Variants in SF3A2 observed in about 807,000 individuals in gnomAD.
The protein encoded by SF3A2 is splicing factor 3a subunit 2.
Under a neutral mutation model 31.1 loss-of-function variants are expected in SF3A2, and 5 were observed. The observed-to-expected ratio is 0.16, with a 90% CI of 0.08 to 0.34. SF3A2 has a LOEUF of 0.34. Ranked by LOEUF, SF3A2 falls within the 10% of genes least tolerant of loss-of-function variation. SF3A2 has a pLI of 1.00. For synonymous variants in SF3A2, 365 were observed against 263.7 expected, an observed-to-expected ratio of 1.38 and a Z score of -3.72; for missense variants, 577 against 643.9, an observed-to-expected ratio of 0.90 and a Z score of 1.13.
Position 2,248,254 on chromosome 19 carries a change from C to T in SF3A2, c.1103C>T (p.Pro368Leu), listed in dbSNP as rs1230077312. ...CCAGCCCCAGGGGTCCATCCTCCCC[C>T]ATCAGCGGGGGTTCACCCCCAGGCC... ...HPPAPGVHPP[P>L]SAGVHPQAPG... The change falls in exon 9 of 9, where the codon CCA becomes CTA. Residue 368 changes from proline to leucine, a missense_variant. Physicochemically the swap from Pro to Leu is moderately conservative, Grantham distance 98. Around this residue, in one of 6 missense-constraint regions of SF3A2, gnomAD observed 462 missense variants for 339.1 expected, o/e 1.36. Coordinates refer to ENST00000221494, the MANE Select transcript of SF3A2 (RefSeq NM_007165.5). 1.4e-6 allele frequency: 2 copies of T among 1,420,494 alleles called. No homozygotes were observed. The highest frequency in any genetic ancestry group is 9.2e-7 in the Non-Finnish European group (1 of 1,085,322). 88.0% of individuals were successfully genotyped at this position (1,420,494 alleles called of 1,614,324 possible).
At position 2,246,368 on chromosome 19, in the gene SF3A2, C is replaced by T. The variant is rs949853486; in HGVS notation, c.356-385C>T. 3.2e-4 allele frequency among the ~76,000 whole-genome samples: 49 copies of T among 152,256 alleles called. No homozygotes were observed. Among genetic ancestry groups the T allele is most frequent in the African/African-American group, 1.1e-3 (46 of 41,548 alleles). On this transcript the variant is annotated intron_variant, in intron 5 of 8. Transcript: ENST00000221494. The surrounding 1 kb of genome is among the most constrained non-coding windows in gnomAD (Gnocchi z 5.5). Reference sequence around the variant, plus strand: ...CGGGAAGGGCATCCTCTCTCGCTCACCGTATACATGGTGTCAGCCCTGTTC... The same window carrying T: ...CGGGAAGGGCATCCTCTCTCGCTCATCGTATACATGGTGTCAGCCCTGTTC...
intron 4 of SF3A2, 27 bp downstream of exon 4, chr19:2,244,806 C>T: frequency 6.2e-7 from 1 of 1,607,530 alleles, no homozygotes; most frequent in South Asian, 1.1e-5. Context: ...CCTTTGATGC[C>T]TGGTGCTCCA....
intron 1 of SF3A2, among the ~76,000 whole-genome samples, chr19:2,238,317 C>T (rs1029109752): frequency 3.3e-5 from 5 of 152,194 alleles, no homozygotes; most frequent in African/African-American, 9.7e-5. Flanking sequence ...CCACTGCACC[C>T]GGCTAATTTT....
At position 2,248,387 on chromosome 19, in the gene SF3A2, C is replaced by CGGGGTCCATCCGTCGGCTCCT. The variant is rs1326209753; in HGVS notation, c.1245_1265dup (p.Ser417_Pro423dup). 2.9e-6 allele frequency: 4 copies of CGGGGTCCATCCGTCGGCTCCT among 1,377,164 alleles called. No individual in the cohort carries two copies. In the South Asian group the frequency reaches 7.1e-5, roughly 24 times the overall value. The allele number at this position is 1,377,164 out of a possible 1,614,324, so 85.3% of individuals were successfully genotyped here. ...CCCCGGGGGTCCACCCCCAACCTCC[C>CGGGGTCCATCCGTCGGCTCCT]GGGGTCCATCCGTCGGCTCCTGGGG... On this transcript the variant is annotated inframe_insertion, in exon 9 of 9. Transcript: ENST00000221494.
Position 2,247,931 on chromosome 19 carries a change from T to A in SF3A2, c.780T>A (p.Pro260=). 1 of 1,528,426 alleles carries A rather than the reference T, an allele frequency of 6.5e-7. No homozygotes were observed. The highest frequency in any genetic ancestry group is 8.9e-7 in the Non-Finnish European group (1 of 1,126,642). The allele number at this position is 1,528,426 out of a possible 1,614,324, so 94.7% of individuals were successfully genotyped here. A position where few individuals can be genotyped will look rare whatever the true frequency, so the allele number is the denominator to read the frequency against. The change falls in exon 9 of 9, where the codon CCT becomes CCA. Residue 260 remains proline (P), a synonymous_variant. Coordinates refer to ENST00000221494, the MANE Select transcript of SF3A2 (RefSeq NM_007165.5). The stretch of plus-strand genomic sequence containing the variant: ...CACCGCCCCCGCCAGGAGGCCTGCC[T>A]CTGCCACCCATGCCCCCCACAGGGC... ...SLPPPPPGGL[P]LPPMPPTGPA... is the part of the protein sequence containing the mutation.
In SF3A2 at chr19:2,245,451, G is replaced by A. The variant is rs904541556; in HGVS notation, c.251G>A (p.Arg84Gln). ...QGKKHQTNLA[R>Q]RAAKEAKEAP... is the part of the protein sequence containing the mutation. ...CACCTCCATCCTGTCCGCAGGGCCC[G>A]GCGAGCAGCCAAGGAGGCCAAGGAG... Residue 84 changes from arginine to glutamine, a missense_variant, in exon 5 of 9, where the codon CGG becomes CAG. Physicochemically the swap from Arg to Gln is conservative, Grantham distance 43. Around this residue, in one of 6 missense-constraint regions of SF3A2, gnomAD observed 17 missense variants for 113.8 expected, o/e 0.15. Coordinates refer to ENST00000221494, the MANE Select transcript of SF3A2 (RefSeq NM_007165.5). This position sits in a 1 kb window ranked among gnomAD's most constrained non-coding sequence, Gnocchi z 4.2. The A allele has an allele frequency of 6.5e-7, 1 of 1,549,874 alleles. No homozygotes were observed. Among genetic ancestry groups the A allele is most frequent in the African/African-American group, 1.4e-5 (1 of 73,012 alleles).
Position 2,243,399 on chromosome 19 carries a change from A to G in SF3A2, c.-20A>G, listed in dbSNP as rs2024907029. 4.0e-6 allele frequency: 6 copies of G among 1,517,006 alleles called. No individual in the cohort carries two copies. The highest frequency in any genetic ancestry group is 1.5e-5 in the African/African-American group (1 of 68,766). 94.0% of individuals were successfully genotyped at this position (1,517,006 alleles called of 1,614,324 possible). On this transcript the variant is annotated 5_prime_UTR_variant, in exon 2 of 9. Coordinates refer to ENST00000221494, the MANE Select transcript of SF3A2 (RefSeq NM_007165.5). ...CTCCACAGGTGTCTCCCAGTCTGCT[A>G]AAGCCCTAAGGCCATCACCATGGAC...
rs1209165238 is a variant in SF3A2 at position 2,248,163 on chromosome 19, C to T, written c.1012C>T (p.Pro338Ser). Residue 338 changes from proline (P) to serine (S), a missense_variant, in exon 9 of 9, where the codon CCT becomes TCT. By Grantham distance (74) the Pro-to-Ser change is moderately conservative (BLOSUM62 -1). Around this residue, in one of 6 missense-constraint regions of SF3A2, gnomAD observed 462 missense variants for 339.1 expected, o/e 1.36. Transcript: ENST00000221494. ...GVHPPAPGVH[P>S]PAPGVHPPAP... ...CCACCCCCCAGCTCCTGGAGTCCAC[C>T]CTCCAGCCCCCGGGGTTCACCCACC... is the stretch of plus-strand genomic sequence containing the variant. 1.4e-6 allele frequency: 2 copies of T among 1,478,254 alleles called. No individual in the cohort carries two copies. The highest frequency in any genetic ancestry group is 2.8e-5 in the African/African-American group (2 of 70,952). 91.6% of individuals were successfully genotyped at this position (1,478,254 alleles called of 1,614,324 possible).
At position 2,246,475 on chromosome 19, in the gene SF3A2, C is replaced by T. The variant is rs1349949278; in HGVS notation, c.356-278C>T. ...GGCCCCAACTCCTGCTGGGTGGTAT[C>T]CCAGCACCCCTGGTGAAGGGCTCTG... On this transcript the variant is annotated intron_variant, in intron 5 of 8. Transcript: ENST00000221494. This position sits in a 1 kb window ranked among gnomAD's most constrained non-coding sequence, Gnocchi z 5.5. Among the ~76,000 whole-genome samples, 1 of 152,084 alleles carries T rather than the reference C, an allele frequency of 6.6e-6. No individual in the cohort carries two copies. The highest frequency in any genetic ancestry group is 2.4e-5 in the African/African-American group (1 of 41,434).
At chr19:2,243,328 G>A in intron 1 of SF3A2, 54 bp from the exon 2 acceptor site, 1 of 1,404,574 alleles carries the variant, frequency 7.1e-7, no homozygotes, top group Non-Finnish European at 9.4e-7. Context: ...GGAGGTCCCA[G>A]CAGCAGCCCC....
Position 2,248,245 on chromosome 19 carries a change from ATCCTCC to A in SF3A2, c.1095_1100del (p.Pro367_Pro368del). ...GTTCACCCACCAGCCCCAGGGGTCC[ATCCTCC>A]CCCATCAGCGGGGGTTCACCCCCAG... On this transcript the variant is annotated inframe_deletion, in exon 9 of 9. Coordinates refer to ENST00000221494, the MANE Select transcript of SF3A2 (RefSeq NM_007165.5). The A allele has an allele frequency of 7.9e-7, 1 of 1,273,648 alleles. No homozygotes were observed. The highest frequency in any genetic ancestry group is 1.0e-6 in the Non-Finnish European group (1 of 1,002,736). 78.9% of individuals were successfully genotyped at this position (1,273,648 alleles called of 1,614,324 possible).
rs1479340518 is a variant in SF3A2, at chr19:2,248,079, C to T, written c.928C>T (p.Pro310Ser). 1 of 936,176 alleles carries T rather than the reference C, an allele frequency of 1.1e-6. No homozygotes were observed. The highest frequency in any genetic ancestry group is 1.7e-6 in the Non-Finnish European group (1 of 602,784). 58.0% of individuals were successfully genotyped at this position (936,176 alleles called of 1,614,324 possible). The change falls in exon 9 of 9, where the codon CCC becomes TCC. Residue 310 changes from proline to serine, a missense_variant. Coordinates refer to ENST00000221494, the MANE Select transcript of SF3A2 (RefSeq NM_007165.5). The stretch of plus-strand genomic sequence containing the variant: ...CCATCCCCCAGCTCCTGGCGTCCAC[C>T]CCCCAGCTCCTGGCGTCCATCCCCC... ...GVHPPAPGVHPPAPGVHPPAP... is the reference protein window; with the variant it reads ...GVHPPAPGVHSPAPGVHPPAP...
rs544193858 is a variant in SF3A2 at position 2,246,005 on chromosome 19, G to T, written c.355+450G>T. Among the ~76,000 whole-genome samples the T allele has an allele frequency of 2.0e-5, 3 of 152,350 alleles. No individual in the cohort carries two copies. The South Asian group carries it at 6.2e-4, about 32-fold the overall frequency. On this transcript the variant is annotated intron_variant, in intron 5 of 8. Transcript: ENST00000221494. The surrounding 1 kb of genome is among the most constrained non-coding windows in gnomAD (Gnocchi z 5.5). ...GACCCCGGTTCAGAAAGCTGGGGAA[G>T]TGACCAGGGTGGAAGATAGAGACTT...
rs2024934112 is a variant in SF3A2, at chr19:2,246,476, C to T, written c.356-277C>T. 6.6e-6 allele frequency among the ~76,000 whole-genome samples: 1 copy of T among 152,106 alleles called. No homozygotes were observed. Among genetic ancestry groups the T allele is most frequent in the African/African-American group, 2.4e-5 (1 of 41,416 alleles). ...GCCCCAACTCCTGCTGGGTGGTATC[C>T]CAGCACCCCTGGTGAAGGGCTCTGG... On this transcript the variant is annotated intron_variant, in intron 5 of 8. Transcript: ENST00000221494. This position sits in a 1 kb window ranked among gnomAD's most constrained non-coding sequence, Gnocchi z 5.5.
In SF3A2 at chr19:2,248,553, G is replaced by C; in HGVS notation, c.*7G>C. On this transcript the variant is annotated 3_prime_UTR_variant, in exon 9 of 9. Coordinates refer to ENST00000221494, the MANE Select transcript of SF3A2 (RefSeq NM_007165.5). Reference sequence around the variant, plus strand: ...CCCTCCCCCAACCAACTGAGAAGCTGCTCCCTCCCCCAGCAAGCCCAGCGC... The same window carrying C: ...CCCTCCCCCAACCAACTGAGAAGCTCCTCCCTCCCCCAGCAAGCCCAGCGC... The C allele has an allele frequency of 1.0e-6, 1 of 997,600 alleles. No individual in the cohort carries two copies. The highest frequency in any genetic ancestry group is 1.3e-6 in the Non-Finnish European group (1 of 744,948). 61.8% of individuals were successfully genotyped at this position (997,600 alleles called of 1,614,324 possible).
intron 7 of SF3A2, 127 bp from the exon 8 acceptor site, chr19:2,247,467 T>C: frequency 1.1e-6 from 1 of 900,340 alleles, no homozygotes; most frequent in South Asian, 1.5e-5. Context: ...ACGAAAGTCT[T>C]ACCAGCCTTC....
In SF3A2 at chr19:2,246,900, G is replaced by A. The variant is rs747116791; in HGVS notation, c.424G>A (p.Ala142Thr). 1.6e-5 allele frequency: 25 copies of A among 1,609,704 alleles called. No individual in the cohort carries two copies. The highest frequency in any genetic ancestry group is 5.4e-5 in the African/African-American group (4 of 74,678). The change falls in exon 7 of 9, where the codon GCC (alanine) becomes ACC (threonine). Residue 142 changes from alanine (A) to threonine (T), a missense_variant. By Grantham distance (58) the Ala-to-Thr change is moderately conservative. This residue lies in a region of SF3A2 where 21 missense variants were observed against 38.6 expected (regional missense o/e 0.54). Coordinates refer to ENST00000221494, the MANE Select transcript of SF3A2 (RefSeq NM_007165.5). This position sits in a 1 kb window ranked among gnomAD's most constrained non-coding sequence, Gnocchi z 5.5. ...CCTGCAGATTGACTACCCTGAGATC[G>A]CCGAGGGCATCATGCCACGTCACCG... ...LLFQIDYPEI[A>T]EGIMPRHRFM...
chr19:2,237,966 G>A (rs542048000), intron 1 of SF3A2: 8 of 152,352 alleles, frequency 5.3e-5, no homozygotes, highest in African/African-American at 1.9e-4. Context: ...TCTAGTCCCA[G>A]GTCCCAGAGG....
At position 2,247,619 on chromosome 19, in the gene SF3A2, C is replaced by G. The variant is rs762864351; in HGVS notation, c.572C>G (p.Ala191Gly). The change falls in exon 8 of 9, where the codon GCG (alanine) becomes GGG (glycine). Residue 191 changes from alanine (A) to glycine (G), a missense_variant. Around this residue, in one of 6 missense-constraint regions of SF3A2, gnomAD observed 37 missense variants for 85.0 expected, o/e 0.44. Transcript: ENST00000221494. ...FKVPSREIDKAEGKFWTHWNR... is the reference protein window; with the variant it reads ...FKVPSREIDKGEGKFWTHWNR... ...GTGCCGAGCAGAGAGATCGACAAGG[C>G]GGAGGGCAAGTTCTGGACACACTGG... is the stretch of plus-strand genomic sequence containing the variant. 8.1e-6 allele frequency: 13 copies of G among 1,613,402 alleles called. No homozygotes were observed. In the South Asian group the frequency reaches 1.4e-4, roughly 18 times the overall value.
Sources: allele counts gnomAD v4.1 joint callset (sites outside exome capture counted in the v4.1 genomes callset), GRCh38; gene constraint gnomAD v4.1.1; regional missense constraint gnomAD v4.1.1; non-coding constraint Gnocchi (gnomAD v3.1); transcripts MANE v1.5; gene names NCBI Gene and HGNC (gene_info 2026-07-23, HGNC 2026-07-21).